PLCXD3: variants seen among roughly 807,000 people sequenced by gnomAD.
PLCXD3 encodes phosphatidylinositol specific phospholipase C X domain containing 3.
A neutral mutation model predicts 25.5 loss-of-function variants in PLCXD3; 19 were observed. The observed-to-expected ratio is 0.75, with a 90% confidence interval of 0.52 to 1.09. The LOEUF is 1.09. PLCXD3 is among the 50% of genes least tolerant of loss of function. The pLI, the probability that PLCXD3 is intolerant of heterozygous loss-of-function variation, is 0.00. For missense variants in PLCXD3, 411 were observed against 388.1 expected (o/e 1.06, Z -0.50); for synonymous variants, 174 against 137.6 (o/e 1.26, Z -1.85).
Position 41,393,261 on chromosome 5 carries a change from G to A in PLCXD3, c.104-10727C>T, listed in dbSNP as rs1198419643. Among the ~76,000 whole-genome samples, 3 of 152,204 alleles carry A rather than the reference G, an allele frequency of 2.0e-5. No individual in the cohort carries two copies. The East Asian group carries it at 5.8e-4, about 29-fold the overall frequency. ...TTAACCCAAAGAGGACTACCTCAAGGCATTTAGTCATCAGTTTCCAAAGCT... is the reference window on the plus strand; with the variant it reads ...TTAACCCAAAGAGGACTACCTCAAGACATTTAGTCATCAGTTTCCAAAGCT... On this transcript the variant is annotated intron_variant, in intron 1 of 2. Coordinates refer to ENST00000377801, the MANE Select transcript of PLCXD3 (RefSeq NM_001005473.3).
chr5:41,418,010 T>G (rs1305159164), intron 1 of PLCXD3, among the ~76,000 whole-genome samples: 1 of 152,232 alleles, frequency 6.6e-6, no homozygotes, highest in East Asian at 1.9e-4. Flanking sequence ...ATATTAAGTT[T>G]TCTGAAATCA....
intron 1 of PLCXD3, among the ~76,000 whole-genome samples, chr5:41,411,028 G>A (rs1746504962): frequency 6.6e-6 from 1 of 152,128 alleles, no homozygotes; most frequent in African/African-American, 2.4e-5. Flanking sequence ...GCAAATGGGG[G>A]AGGGCAGATT....
At chr5:41,457,160 G>T (rs1012002639) in intron 1 of PLCXD3, among the ~76,000 whole-genome samples, 3 of 151,938 alleles carry the variant, frequency 2.0e-5, no homozygotes, top group Admixed American at 2.0e-4. Flanking sequence ...AATTCTGTTG[G>T]ATAATGAACT....
At chr5:41,408,990 G>T (rs1043770478) in intron 1 of PLCXD3, among the ~76,000 whole-genome samples, 4 of 152,082 alleles carry the variant, frequency 2.6e-5, no homozygotes, top group East Asian at 1.9e-4. Context: ...AGAACACAGA[G>T]AAGAATCCAA....
chr5:41,491,873 C>T (rs1352208745), intron 1 of PLCXD3, among the ~76,000 whole-genome samples: 1 of 152,076 alleles, frequency 6.6e-6, no homozygotes, highest in Non-Finnish European at 1.5e-5. Flanking sequence ...ACTGATGGGT[C>T]TTGACTCTTT....
At chr5:41,422,402 T>C (rs1561268760) in intron 1 of PLCXD3, among the ~76,000 whole-genome samples, 1 of 152,188 alleles carries the variant, frequency 6.6e-6, no homozygotes, top group Non-Finnish European at 1.5e-5. Flanking sequence ...CCTTGGGAAA[T>C]TTATCAACCA....
chr5:41,482,990 T>C (rs1748445015), intron 1 of PLCXD3, among the ~76,000 whole-genome samples: 1 of 152,232 alleles, frequency 6.6e-6, no homozygotes, highest in South Asian at 2.1e-4. Flanking sequence ...AATGTAACTA[T>C]TTGAGATATC....
At chr5:41,392,442 T>A (rs1297965248) in intron 1 of PLCXD3, among the ~76,000 whole-genome samples, 1 of 152,088 alleles carries the variant, frequency 6.6e-6, no homozygotes, top group Admixed American at 6.6e-5. Flanking sequence ...TTATCCTGGA[T>A]CTGAACCAAG....
chr5:41,400,614 CTTGTA>C (rs1190947768), intron 1 of PLCXD3, among the ~76,000 whole-genome samples: 2 of 151,926 alleles, frequency 1.3e-5, no homozygotes, highest in Non-Finnish European at 2.9e-5. Context: ...CATGTTCTTA[CTTGTA>C]TATGAGATCT....
At chr5:41,337,997 A>G (rs967005115) in intron 2 of PLCXD3, among the ~76,000 whole-genome samples, 3 of 152,108 alleles carry the variant, frequency 2.0e-5, no homozygotes, top group Admixed American at 6.6e-5. Flanking sequence ...ATTCCTAGGA[A>G]CTTAATAATG....
At chr5:41,422,076 C>G (rs1746841881) in intron 1 of PLCXD3, among the ~76,000 whole-genome samples, 1 of 152,094 alleles carries the variant, frequency 6.6e-6, no homozygotes, top group Non-Finnish European at 1.5e-5. Context: ...AACACACTTA[C>G]TGTATTTTTA....
At chr5:41,495,662 T>C (rs1343127920) in intron 1 of PLCXD3, among the ~76,000 whole-genome samples, 2 of 152,182 alleles carry the variant, frequency 1.3e-5, no homozygotes, top group Non-Finnish European at 2.9e-5. Flanking sequence ...CTAATAAATC[T>C]TTCTAATTAG....
chr5:41,491,105 A>T (rs181571735), intron 1 of PLCXD3, among the ~76,000 whole-genome samples: 2 of 152,254 alleles, frequency 1.3e-5, no homozygotes, highest in African/African-American at 4.8e-5. Context: ...CACTGCTTTG[A>T]ATGTGTCCCA....
intron 2 of PLCXD3, among the ~76,000 whole-genome samples, chr5:41,355,516 C>T (rs566574004): frequency 6.6e-6 from 1 of 152,290 alleles, no homozygotes; most frequent in South Asian, 2.1e-4. Context: ...ACTCAGTCAG[C>T]CATCAGTTGT....
chr5:41,368,231 G>A (rs1418958757), intron 2 of PLCXD3, among the ~76,000 whole-genome samples: 2 of 152,046 alleles, frequency 1.3e-5, no homozygotes, highest in Non-Finnish European at 2.9e-5. Context: ...AATTATGAAT[G>A]GTAGTTCATT....
intron 1 of PLCXD3, among the ~76,000 whole-genome samples, chr5:41,509,556 C>T (rs1212414474): frequency 6.6e-6 from 1 of 152,214 alleles, no homozygotes; most frequent in Non-Finnish European, 1.5e-5. Context: ...CTCTTCCTCG[C>T]TTTGTCCACG....
intron 1 of PLCXD3, among the ~76,000 whole-genome samples, chr5:41,382,892 C>A (rs956500225): frequency 6.6e-6 from 1 of 152,084 alleles, no homozygotes; most frequent in Non-Finnish European, 1.5e-5. Flanking sequence ...TGAAGACTCA[C>A]CAATACCCAA....
rs1249212524 is a variant in PLCXD3, at chr5:41,469,914, A to C, written c.103+40510T>G. 2.6e-5 allele frequency among the ~76,000 whole-genome samples: 4 copies of C among 152,164 alleles called. No homozygotes were observed. The East Asian group carries it at 5.8e-4, about 22-fold the overall frequency. On this transcript the variant is annotated intron_variant, in intron 1 of 2. Coordinates refer to ENST00000377801, the MANE Select transcript of PLCXD3 (RefSeq NM_001005473.3). Reference sequence around the variant, plus strand: ...AATAAAGGTTATCCACACATTTGTCATGTATGGTTTTAAACACCTTGCCTC... The same window carrying C: ...AATAAAGGTTATCCACACATTTGTCCTGTATGGTTTTAAACACCTTGCCTC...
intron 2 of PLCXD3, among the ~76,000 whole-genome samples, chr5:41,313,971 G>C (rs1472630593): frequency 6.6e-6 from 1 of 152,102 alleles, no homozygotes; most frequent in Non-Finnish European, 1.5e-5. Flanking sequence ...TCACTATATT[G>C]ATCCGTATTG....
Sources: allele counts gnomAD v4.1 joint callset (sites outside exome capture counted in the v4.1 genomes callset), GRCh38; gene constraint gnomAD v4.1.1; transcripts MANE v1.5; gene names NCBI Gene and HGNC (gene_info 2026-07-23, HGNC 2026-07-21).